VPS13A: variants seen among roughly 807,000 people sequenced by gnomAD.
VPS13A encodes the protein vacuolar protein sorting 13 homolog A.
In VPS13A, 264 loss-of-function variants were observed where a neutral mutation model predicts 390.9. The observed-to-expected ratio is 0.68, with a 90% CI of 0.61 to 0.75. The LOEUF (loss-of-function observed/expected upper bound fraction) is 0.75. VPS13A is among the 30% of genes least tolerant of loss of function. The pLI, the probability that VPS13A is intolerant of heterozygous loss-of-function variation, is 0.00. For synonymous variants in VPS13A, 1,231 were observed against 1,227.1 expected (o/e 1.00, Z -0.07); for missense variants, 3,409 against 3,733.9 (o/e 0.91, Z 2.27).
intron 68 of VPS13A, among the ~76,000 whole-genome samples, chr9:77,388,443 A>T (rs1042243943): frequency 2.0e-5 from 3 of 152,162 alleles, no homozygotes; most frequent in African/African-American, 7.2e-5. Context: ...CAGAATATTT[A>T]TCATTCTCAA....
intron 1 of VPS13A, among the ~76,000 whole-genome samples, chr9:77,197,654 C>T (rs1335756538): frequency 2.6e-5 from 4 of 151,650 alleles, no homozygotes; most frequent in African/African-American, 7.3e-5. Flanking sequence ...TTTTAGAATA[C>T]GTACATATAC....
intron 45 of VPS13A, among the ~76,000 whole-genome samples, chr9:77,327,968 A>C (rs1830098097): frequency 6.6e-6 from 1 of 152,172 alleles, no homozygotes; most frequent in Non-Finnish European, 1.5e-5. Flanking sequence ...TTTTCAATTT[A>C]CTTTGCCCAG....
intron 68 of VPS13A, among the ~76,000 whole-genome samples, chr9:77,399,181 T>TAAAAAAAAAAAA (rs1223344360): frequency 8.9e-4 from 31 of 34,952 alleles, no homozygotes; most frequent in African/African-American, 1.4e-3. Context: ...AAAAAAAAAA[T>TAAAAAAAAAAAA]AAAAAAAAAA....
At chr9:77,317,236 G>A (rs1829450870) in intron 39 of VPS13A, among the ~76,000 whole-genome samples, 2 of 151,712 alleles carry the variant, frequency 1.3e-5, no homozygotes, top group South Asian at 4.2e-4. Context: ...GAAAATGGAG[G>A]GTATACCAAT....
intron 22 of VPS13A, among the ~76,000 whole-genome samples, chr9:77,256,719 A>T (rs1183290401): frequency 2.0e-5 from 3 of 152,118 alleles, no homozygotes; most frequent in Admixed American, 6.5e-5. Flanking sequence ...TGGTGAAGTT[A>T]TACTTTCATT....
In VPS13A at chr9:77,339,519, A is replaced by G. The variant is rs1830707731; in HGVS notation, c.6382A>G (p.Ile2128Val). Reference sequence around the variant, plus strand: ...GTTTTTTTTTTTTTTATTACAGGGAATTGAAAATTCGGTTTTTACTCTAAG... The same window carrying G: ...GTTTTTTTTTTTTTTATTACAGGGAGTTGAAAATTCGGTTTTTACTCTAAG... ...PYKIAYYIEGIENSVFTLSEG... is the reference protein window; with the variant it reads ...PYKIAYYIEGVENSVFTLSEG... Residue 2128 changes from isoleucine to valine, a missense_variant, in exon 48 of 72, where the codon ATT (isoleucine) becomes GTT (valine). Transcript: ENST00000360280. 2 of 1,535,502 alleles carry G rather than the reference A, an allele frequency of 1.3e-6. No individual in the cohort carries two copies. Among genetic ancestry groups the G allele is most frequent in the Non-Finnish European group, 1.8e-6 (2 of 1,141,748 alleles).
intron 67 of VPS13A, among the ~76,000 whole-genome samples, chr9:77,373,148 A>G (rs1399055825): frequency 6.6e-6 from 1 of 151,820 alleles, no homozygotes; most frequent in Non-Finnish European, 1.5e-5. Context: ...TAAAGTTCAT[A>G]TGGAACCAAA....
chr9:77,235,649 A>G (rs1339637556), intron 17 of VPS13A, among the ~76,000 whole-genome samples: 1 of 152,022 alleles, frequency 6.6e-6, no homozygotes, highest in Non-Finnish European at 1.5e-5. Context: ...TCTTTTTCTC[A>G]TGTCCTTCGG....
intron 71 of VPS13A, among the ~76,000 whole-genome samples, chr9:77,413,497 T>TTC (rs1835034097): frequency 6.6e-6 from 1 of 152,202 alleles, no homozygotes; most frequent in Admixed American, 6.5e-5. Flanking sequence ...GGGAAAGGAT[T>TTC]CCCTATTTAA....
At chr9:77,381,117 A>G (rs963922214) in intron 67 of VPS13A, among the ~76,000 whole-genome samples, 2 of 152,142 alleles carry the variant, frequency 1.3e-5, no homozygotes, top group Admixed American at 6.5e-5. Context: ...ACCATACACA[A>G]TTTAGCCGTA....
At chr9:77,237,168 G>T (rs1824197993) in intron 17 of VPS13A, among the ~76,000 whole-genome samples, 1 of 151,884 alleles carries the variant, frequency 6.6e-6, no homozygotes, top group Non-Finnish European at 1.5e-5. Context: ...GATTACAGGC[G>T]TGAGCCACCG....
chr9:77,209,252 G>A (rs1825841475), intron 5 of VPS13A, among the ~76,000 whole-genome samples, 171 bp from the exon 6 acceptor site: 1 of 152,114 alleles, frequency 6.6e-6, no homozygotes, highest in Non-Finnish European at 1.5e-5. Context: ...ACTAGCTTTT[G>A]AAAAATGTTT....
chr9:77,375,070 T>C (rs1832994702), intron 67 of VPS13A, among the ~76,000 whole-genome samples: 1 of 152,156 alleles, frequency 6.6e-6, no homozygotes, highest in Non-Finnish European at 1.5e-5. Context: ...ATATAATGTG[T>C]TGAGTCGTAG....
chr9:77,236,226 T>C (rs758199766), intron 17 of VPS13A, among the ~76,000 whole-genome samples: 5 of 152,214 alleles, frequency 3.3e-5, no homozygotes, highest in Non-Finnish European at 7.3e-5. Flanking sequence ...TGTTGTACTT[T>C]TCACCTTCAA....
In VPS13A at chr9:77,239,333, A is replaced by T. The variant is rs190358160; in HGVS notation, c.1900+947A>T. 1.8e-3 allele frequency among the ~76,000 whole-genome samples: 277 copies of T among 152,174 alleles called. 1 individual carries two copies. The highest frequency in any genetic ancestry group is 6.3e-3 in the African/African-American group (262 of 41,514). ...TAGAGACGGGGTTTTAATAGAGACCAGGTTTCACCAGCCTGGCGACAGAGC... is the reference window on the plus strand; with the variant it reads ...TAGAGACGGGGTTTTAATAGAGACCTGGTTTCACCAGCCTGGCGACAGAGC... On this transcript the variant is annotated intron_variant, in intron 19 of 71. Transcript: ENST00000360280.
At chr9:77,403,021 C>G (rs1310407001) in intron 68 of VPS13A, among the ~76,000 whole-genome samples, 3 of 152,122 alleles carry the variant, frequency 2.0e-5, no homozygotes, top group African/African-American at 7.2e-5. Context: ...GCATTAAAGG[C>G]TGGCATTGCT....
At chr9:77,398,620 C>T (rs1244013078) in intron 68 of VPS13A, among the ~76,000 whole-genome samples, 4 of 152,050 alleles carry the variant, frequency 2.6e-5, no homozygotes, top group African/African-American at 4.8e-5. Flanking sequence ...TACAACGTGA[C>T]ATTTGTAGAC....
At position 77,249,981 on chromosome 9, in the gene VPS13A, GCTTA is replaced by G. The variant is rs1825063803; in HGVS notation, c.2038-112_2038-109del. On this transcript the variant is annotated intron_variant, in intron 20 of 71. Coordinates refer to ENST00000360280, the MANE Select transcript of VPS13A (RefSeq NM_033305.3). ...CCTTTCTAATAGCCTTATTATGTAT[GCTTA>G]CTTGTGAATTTATCCTCTCCTATTA... 7 of 1,150,896 alleles carry G rather than the reference GCTTA, an allele frequency of 6.1e-6. No homozygotes were observed. The South Asian group carries it at 6.9e-5, about 11-fold the overall frequency. The allele number at this position is 1,150,896 out of a possible 1,614,324, so 71.3% of individuals were successfully genotyped here. A position where few individuals can be genotyped will look rare whatever the true frequency, so the allele number is the denominator to read the frequency against.
chr9:77,283,950 A>T (rs1440112161), intron 31 of VPS13A, among the ~76,000 whole-genome samples: 1 of 151,462 alleles, frequency 6.6e-6, no homozygotes, highest in Admixed American at 6.6e-5. Flanking sequence ...AGAACCTAGT[A>T]AATACCTTTT....
Sources: gnomAD v4.1 joint callset for allele counts (sites outside exome capture counted in the v4.1 genomes callset) on GRCh38, gnomAD v4.1.1 for gene constraint, MANE v1.5 for transcripts, NCBI Gene and HGNC (gene_info 2026-07-23, HGNC 2026-07-21) for gene names.